The following CCDC7 variants were observed in gnomAD, a reference collection of about 807,000 sequenced individuals.
The protein encoded by CCDC7 is coiled-coil domain-containing protein 7.
In CCDC7, 183 loss-of-function variants were observed where a neutral mutation model predicts 196.9. The ratio of observed to expected loss-of-function variants is 0.93; its 90% CI spans 0.82 to 1.05. CCDC7 has a LOEUF of 1.05. Ranked by LOEUF, CCDC7 falls within the 50% of genes least tolerant of loss-of-function variation. The pLI is 0.00. For missense variants in CCDC7, 1,540 were observed against 1,482.2 expected, an observed-to-expected ratio of 1.04 and a Z score of -0.64; for synonymous variants, 525 against 484.6, an observed-to-expected ratio of 1.08 and a Z score of -1.10.
chr10:32,615,819 C>A (rs908667814), intron 18 of CCDC7, among the ~76,000 whole-genome samples: 1 of 152,014 alleles, frequency 6.6e-6, no homozygotes, highest in African/African-American at 2.4e-5. Flanking sequence ...TAGTTTAGGT[C>A]TTTAATCCAT....
intron 20 of CCDC7, among the ~76,000 whole-genome samples, chr10:32,655,241 G>A (rs1445470385): frequency 6.6e-6 from 1 of 152,104 alleles, no homozygotes; most frequent in African/African-American, 2.4e-5. Context: ...CCTAGAGTGA[G>A]GGGAATGGAA....
chr10:32,868,028 T>A (rs1044828102), intron 41 of CCDC7, among the ~76,000 whole-genome samples: 1 of 151,988 alleles, frequency 6.6e-6, no homozygotes, highest in African/African-American at 2.4e-5. Context: ...TTTATTTCTT[T>A]GTGGCTGGCT....
At chr10:32,758,216 T>C (rs991832230) in intron 28 of CCDC7, among the ~76,000 whole-genome samples, 3 of 152,040 alleles carry the variant, frequency 2.0e-5, no homozygotes, top group African/African-American at 4.8e-5. Flanking sequence ...TTCCAATGAA[T>C]AGAAAAAGAG....
chr10:32,828,555 G>A (rs140185782), intron 32 of CCDC7, among the ~76,000 whole-genome samples: 163 of 147,790 alleles, frequency 1.1e-3, no homozygotes, highest in African/African-American at 3.8e-3. Flanking sequence ...AGAAGAAGAA[G>A]AAGAAAGAAG....
intron 32 of CCDC7, among the ~76,000 whole-genome samples, chr10:32,826,004 T>C (rs1593179574): frequency 6.6e-6 from 1 of 152,154 alleles, no homozygotes; most frequent in African/African-American, 2.4e-5. Flanking sequence ...CAACATCCTT[T>C]CCCCAACCCA....
upstream of CCDC7, among the ~76,000 whole-genome samples, chr10:32,447,579 G>A (rs2031689698): frequency 6.6e-6 from 1 of 152,088 alleles, no homozygotes; most frequent in South Asian, 2.1e-4. Flanking sequence ...TTTACTGAAA[G>A]CATCGTGTCA....
intron 41 of CCDC7, among the ~76,000 whole-genome samples, chr10:32,870,847 G>A (rs925349791): frequency 6.6e-6 from 1 of 152,100 alleles, no homozygotes; most frequent in African/African-American, 2.4e-5. Flanking sequence ...CATCTATTGA[G>A]ATTATCATAT....
intron 8 of CCDC7, among the ~76,000 whole-genome samples, chr10:32,485,094 T>G (rs1188257627): frequency 6.6e-6 from 1 of 152,242 alleles, no homozygotes; most frequent in Non-Finnish European, 1.5e-5. Context: ...TCCTTGTACC[T>G]CTGGTAGAAT....
chr10:32,838,379 A>C (rs1386859842), intron 33 of CCDC7, among the ~76,000 whole-genome samples: 1 of 152,108 alleles, frequency 6.6e-6, no homozygotes, highest in Non-Finnish European at 1.5e-5. Context: ...CGAACAGCAG[A>C]AGAAAGAACT....
chr10:32,768,385 C>A (rs1223221686), intron 28 of CCDC7, among the ~76,000 whole-genome samples: 2 of 152,012 alleles, frequency 1.3e-5, no homozygotes, highest in African/African-American at 4.8e-5. Flanking sequence ...TATCCTGAAA[C>A]TTTACTGAAT....
At chr10:32,822,219 G>T (rs915972583) in intron 31 of CCDC7, among the ~76,000 whole-genome samples, 102 of 152,292 alleles carry the variant, frequency 6.7e-4, no homozygotes, top group African/African-American at 2.4e-3. Flanking sequence ...AATTGCAAAA[G>T]AGAGTATGTA....
intron 8 of CCDC7, among the ~76,000 whole-genome samples, chr10:32,476,986 A>T (rs982408836): frequency 1.3e-5 from 2 of 152,104 alleles, no homozygotes; most frequent in Non-Finnish European, 2.9e-5. Context: ...TGGCAAAGAT[A>T]TTCTCTCAGT....
At chr10:32,571,951 C>G (rs2057617786) in intron 16 of CCDC7, 58 bp downstream of exon 17, 11 of 1,426,234 alleles carry the variant, frequency 7.7e-6, no homozygotes, top group Non-Finnish European at 1.0e-5. Flanking sequence ...AGTTCACATA[C>G]CTAAGCAATG....
intron 11 of CCDC7, among the ~76,000 whole-genome samples, chr10:32,539,596 T>C (rs1379482486): frequency 6.6e-6 from 1 of 152,200 alleles, no homozygotes; most frequent in East Asian, 1.9e-4. Flanking sequence ...CTTCTAGTTG[T>C]GATGTTAGGT....
At chr10:32,808,485 G>A (rs958208642) in intron 30 of CCDC7, among the ~76,000 whole-genome samples, 1 of 152,158 alleles carries the variant, frequency 6.6e-6, no homozygotes. Flanking sequence ...CTACTTGGGA[G>A]CCTGTGGGTT....
intron 28 of CCDC7, among the ~76,000 whole-genome samples, chr10:32,770,976 C>T (rs2079074697): frequency 6.6e-6 from 1 of 151,992 alleles, no homozygotes; most frequent in African/African-American, 2.4e-5. Flanking sequence ...TTATATGAAT[C>T]CTTCTATGTT....
chr10:32,486,316 C>T (rs1398504145), intron 8 of CCDC7, among the ~76,000 whole-genome samples: 1 of 151,576 alleles, frequency 6.6e-6, no homozygotes, highest in African/African-American at 2.4e-5. Flanking sequence ...ACTAGGATTG[C>T]AACCCCTGCC....
intron 21 of CCDC7, among the ~76,000 whole-genome samples, chr10:32,680,090 A>T (rs2075641277): frequency 6.6e-6 from 1 of 152,206 alleles, no homozygotes; most frequent in Non-Finnish European, 1.5e-5. Context: ...AGATGTACTG[A>T]GTTATTGAAT....
chr10:32,790,073 C>G (rs1489826366), intron 29 of CCDC7, among the ~76,000 whole-genome samples: 3 of 152,234 alleles, frequency 2.0e-5, no homozygotes, highest in African/African-American at 7.2e-5. Flanking sequence ...TCAGCCCAGA[C>G]AGCAACCCTC....
Sources: gnomAD v4.1 joint callset for allele counts (sites outside exome capture counted in the v4.1 genomes callset) on GRCh38, gnomAD v4.1.1 for gene constraint, MANE v1.5 for transcripts, NCBI Gene and HGNC (gene_info 2026-07-23, HGNC 2026-07-21) for gene names.